The following NIM1K variants were observed in gnomAD, a reference collection of about 807,000 sequenced individuals.
The protein encoded by NIM1K is serine/threonine-protein kinase NIM1.
A neutral mutation model predicts 37.1 loss-of-function variants in NIM1K; 35 were observed. The ratio of observed to expected loss-of-function variants is 0.94; its 90% CI spans 0.72 to 1.25. The LOEUF is 1.25. Among genes scored for constraint, NIM1K ranks in the 50% most tolerant of loss-of-function variants. The probability of loss-of-function intolerance (pLI) is 0.00; values close to 1 mark genes in which losing one functional copy is unlikely to be tolerated. For synonymous variants in NIM1K, 234 were observed against 206.6 expected, an observed-to-expected ratio of 1.13 and a Z score of -1.14; for missense variants, 564 against 548.0, an observed-to-expected ratio of 1.03 and a Z score of -0.29.
chr5:43,205,188 T>A (rs1049780192), intron 1 of NIM1K, among the ~76,000 whole-genome samples: 2 of 152,170 alleles, frequency 1.3e-5, no homozygotes, highest in Non-Finnish European at 2.9e-5. Flanking sequence ...GCAAGTGGAA[T>A]TGGGTGAAAC....
intron 2 of NIM1K, among the ~76,000 whole-genome samples, chr5:43,263,941 T>G (rs1024741860): frequency 6.6e-6 from 1 of 152,240 alleles, no homozygotes; most frequent in Admixed American, 6.5e-5. Flanking sequence ...TTGAGTGAGT[T>G]TCTTAATCCT....
At chr5:43,235,272 A>C (rs1752605236) in intron 1 of NIM1K, among the ~76,000 whole-genome samples, 1 of 152,230 alleles carries the variant, frequency 6.6e-6, no homozygotes, top group Admixed American at 6.5e-5. Context: ...AGAGTCACAA[A>C]ACTATTTTGT....
intron 1 of NIM1K, among the ~76,000 whole-genome samples, chr5:43,216,253 A>G (rs1368342703): frequency 2.6e-5 from 4 of 152,122 alleles, no homozygotes; most frequent in Non-Finnish European, 4.4e-5. Context: ...GAAACTGGTG[A>G]GTCTGACTCT....
intron 1 of NIM1K, chr5:43,232,731 A>G: frequency 7.9e-7 from 1 of 1,264,682 alleles, no homozygotes. Flanking sequence ...AGGTGAACCC[A>G]GAACCAATTC....
chr5:43,280,801 A>G lies in NIM1K; in HGVS notation c.*72A>G, dbSNP rs1753432327. ...CTAAATTTTTTTCAAGGACAACTTG[A>G]GTGGAGACATTTTTGTAATTTTTAA... On this transcript the variant is annotated 3_prime_UTR_variant, in exon 4 of 4. Coordinates refer to ENST00000326035, the MANE Select transcript of NIM1K (RefSeq NM_153361.4). 2 of 1,364,374 alleles carry G rather than the reference A, an allele frequency of 1.5e-6. No individual in the cohort carries two copies. Among genetic ancestry groups the G allele is most frequent in the Non-Finnish European group, 2.0e-6 (2 of 1,015,594 alleles). The allele number at this position is 1,364,374 out of a possible 1,614,324, so 84.5% of individuals were successfully genotyped here. A position where few individuals can be genotyped will look rare whatever the true frequency, so the allele number is the denominator to read the frequency against.
intron 1 of NIM1K, among the ~76,000 whole-genome samples, chr5:43,239,609 C>A (rs940039973): frequency 1.3e-5 from 2 of 152,016 alleles, no homozygotes; most frequent in African/African-American, 4.8e-5. Context: ...TCACTACAAC[C>A]TCCGCCTCCC....
At chr5:43,260,577 CTTGCATATATA>C (rs974798384) in intron 2 of NIM1K, among the ~76,000 whole-genome samples, 2 of 151,866 alleles carry the variant, frequency 1.3e-5, no homozygotes, top group African/African-American at 4.8e-5. Flanking sequence ...TATTTATTGA[CTTGCATATATA>C]TATAGAGAGA....
intron 1 of NIM1K, among the ~76,000 whole-genome samples, chr5:43,202,782 G>A (rs1016039383): frequency 5.3e-5 from 8 of 151,692 alleles, no homozygotes; most frequent in Non-Finnish European, 1.2e-4. Flanking sequence ...TCAGAAGGAG[G>A]AAAGACTGAC....
chr5:43,257,464 T>C (rs1349299757), intron 2 of NIM1K, among the ~76,000 whole-genome samples: 1 of 148,264 alleles, frequency 6.7e-6, no homozygotes, highest in East Asian at 2.0e-4. Flanking sequence ...GCCTTCTGGG[T>C]TCAAGCAATT....
chr5:43,221,160 G>A (rs907199700), intron 1 of NIM1K, among the ~76,000 whole-genome samples: 4 of 152,146 alleles, frequency 2.6e-5, no homozygotes, highest in Non-Finnish European at 5.9e-5. Flanking sequence ...AGAGAGAAGA[G>A]TGCCTTTCTG....
chr5:43,279,915 C>G (rs898565785), intron 3 of NIM1K, 65 bp from the exon 4 acceptor site: 6 of 1,321,350 alleles, frequency 4.5e-6, no homozygotes, highest in Admixed American at 1.9e-5. Context: ...TTCAGAGCAA[C>G]TGATACATTT....
chr5:43,279,184 T>C (rs1753399446), intron 3 of NIM1K, among the ~76,000 whole-genome samples: 1 of 152,212 alleles, frequency 6.6e-6, no homozygotes, highest in Non-Finnish European at 1.5e-5. Context: ...TGCTGAGCAC[T>C]GTTCTCATCA....
chr5:43,240,030 G>A (rs1427375429), intron 1 of NIM1K, among the ~76,000 whole-genome samples: 1 of 151,940 alleles, frequency 6.6e-6, no homozygotes, highest in Non-Finnish European at 1.5e-5. Flanking sequence ...ACTATGTAAG[G>A]TGGCAACACA....
chr5:43,272,290 C>T (rs1260694392), intron 2 of NIM1K, among the ~76,000 whole-genome samples: 1 of 152,132 alleles, frequency 6.6e-6, no homozygotes, highest in African/African-American at 2.4e-5. Flanking sequence ...TCTTGGACTC[C>T]AGAGAAAGTG....
chr5:43,206,526 T>C (rs1453576355), intron 1 of NIM1K, among the ~76,000 whole-genome samples: 1 of 140,748 alleles, frequency 7.1e-6, no homozygotes, highest in African/African-American at 2.6e-5. Flanking sequence ...AAAAAATAGG[T>C]TGGGGGAGAA....
At position 43,280,719 on chromosome 5, in the gene NIM1K, C is replaced by T; in HGVS notation, c.1301C>T (p.Ser434Leu). The T allele has an allele frequency of 6.3e-7, 1 of 1,593,404 alleles. No individual in the cohort carries two copies. Among genetic ancestry groups the T allele is most frequent in the Non-Finnish European group, 8.5e-7 (1 of 1,173,732 alleles). ...RGIRHTSKFC[S>L]IL is the part of the protein sequence containing the mutation. ...ATAAGACACACATCCAAATTTTGCTCGATTTTATAAATTGCACTAGACTGC... is the reference window on the plus strand; with the variant it reads ...ATAAGACACACATCCAAATTTTGCTTGATTTTATAAATTGCACTAGACTGC... Residue 434 changes from serine (S) to leucine (L), a missense_variant, in exon 4 of 4, where the codon TCG (serine) becomes TTG (leucine). Physicochemically the swap from Ser to Leu is moderately radical, Grantham distance 145. Transcript: ENST00000326035.
chr5:43,260,463 T>C (rs998187889), intron 2 of NIM1K, among the ~76,000 whole-genome samples: 1 of 152,200 alleles, frequency 6.6e-6, no homozygotes, highest in Non-Finnish European at 1.5e-5. Flanking sequence ...TGTCATGACA[T>C]TGTTTTTGTC....
chr5:43,232,182 C>A, intron 1 of NIM1K: 2 of 980,520 alleles, frequency 2.0e-6, no homozygotes, highest in East Asian at 6.3e-5. Flanking sequence ...GTGGCAATGG[C>A]AGCATTGACG....
At chr5:43,216,299 A>G (rs767634115) in intron 1 of NIM1K, among the ~76,000 whole-genome samples, 9 of 152,192 alleles carry the variant, frequency 5.9e-5, no homozygotes, top group African/African-American at 9.7e-5. Context: ...TGAGCCCCCT[A>G]TGAATTTTGA....
Sources: allele counts gnomAD v4.1 joint callset (sites outside exome capture counted in the v4.1 genomes callset), GRCh38; gene constraint gnomAD v4.1.1; transcripts MANE v1.5; gene names NCBI Gene and HGNC (gene_info 2026-07-23, HGNC 2026-07-21).